AASDH: variants seen among roughly 807,000 people sequenced by gnomAD.
AASDH encodes the protein beta-alanine-activating enzyme.
Under a neutral mutation model 102.3 loss-of-function variants are expected in AASDH, and 81 were observed. The ratio of observed to expected loss-of-function variants is 0.79; its 90% CI spans 0.66 to 0.95. The LOEUF is 0.95. Ranked by LOEUF, AASDH falls within the 40% of genes least tolerant of loss-of-function variation. The pLI, the probability that AASDH is intolerant of heterozygous loss-of-function variation, is 0.00. For synonymous variants in AASDH, 398 were observed against 454.0 expected, an observed-to-expected ratio of 0.88 and a Z score of 1.57; for missense variants, 1,203 against 1,266.2, an observed-to-expected ratio of 0.95 and a Z score of 0.76.
At chr4:56,368,432 C>T (rs142073946) in intron 5 of AASDH, among the ~76,000 whole-genome samples, 4,953 of 151,996 alleles carry the variant, frequency 0.033, 200 homozygotes, top group East Asian at 0.2. Context: ...ATGTTTATTG[C>T]GGCACTATTC....
intron 3 of AASDH, chr4:56,381,651 A>T (rs62309275): frequency 1.4e-3 from 41 of 30,246 alleles, no homozygotes; most frequent in East Asian, 3.4e-3. Flanking sequence ...GACACTTCTC[A>T]CACACACACA....
intron 5 of AASDH, among the ~76,000 whole-genome samples, chr4:56,359,171 G>A (rs993125454): frequency 1.3e-5 from 2 of 151,176 alleles, no homozygotes; most frequent in Middle Eastern, 3.2e-3. Context: ...AATCCATGAA[G>A]TCTGTCTCCC....
At position 56,345,776 on chromosome 4, in the gene AASDH, G is replaced by A. The variant is rs1056535789; in HGVS notation, c.2489-486C>T. Among the ~76,000 whole-genome samples, 6 of 152,286 alleles carry A rather than the reference G, an allele frequency of 3.9e-5. 1 individual carries two copies. Among genetic ancestry groups the A allele is most frequent in the Admixed American group, 3.3e-4 (5 of 15,302 alleles). On this transcript the variant is annotated intron_variant, in intron 11 of 14. Transcript: ENST00000205214. ...TAGAAGGTGTTTAAGAAGTGCTAACGTTAATAGTCAATGTTCATTGAGCAT... is the reference window on the plus strand; with the variant it reads ...TAGAAGGTGTTTAAGAAGTGCTAACATTAATAGTCAATGTTCATTGAGCAT...
chr4:56,369,454 C>T (rs1466746762), intron 5 of AASDH, among the ~76,000 whole-genome samples: 2 of 151,998 alleles, frequency 1.3e-5, no homozygotes, highest in African/African-American at 2.4e-5. Flanking sequence ...AATTTATATC[C>T]CCTCACACCC....
rs1469724420 is a variant in AASDH at position 56,353,507 on chromosome 4, A to G, written c.1473T>C (p.Ala491=). ...CTTTAAAGATGTATTCTTTTACTGA[A>G]GCATCTTTAGACACCATGAAGAGAA... ...KLILFMVSKD[A]SVKEYIFKEL... is the part of the protein sequence containing the mutation. The change falls in exon 9 of 15, where the codon GCT becomes GCC. Residue 491 remains alanine (A), a synonymous_variant. Transcript: ENST00000205214. 8 of 1,613,666 alleles carry G rather than the reference A, an allele frequency of 5.0e-6. No individual in the cohort carries two copies. Among genetic ancestry groups the G allele is most frequent in the African/African-American group, 1.3e-5 (1 of 74,916 alleles).
intron 1 of AASDH, among the ~76,000 whole-genome samples, chr4:56,385,149 G>T (rs940712812): frequency 8.5e-5 from 13 of 152,254 alleles, no homozygotes; most frequent in African/African-American, 3.1e-4. Flanking sequence ...AATTCCAGTA[G>T]GAGCTAAACT....
chr4:56,380,857 T>C (rs963781052), intron 3 of AASDH, among the ~76,000 whole-genome samples: 3 of 152,150 alleles, frequency 2.0e-5, no homozygotes, highest in Non-Finnish European at 2.9e-5. Flanking sequence ...ACTTCCATCA[T>C]TACAATAAAA....
intron 4 of AASDH, among the ~76,000 whole-genome samples, chr4:56,377,074 A>T (rs1263525111): frequency 1.8e-4 from 25 of 139,420 alleles, no homozygotes; most frequent in Admixed American, 3.0e-4. Flanking sequence ...CTCAAAAAAA[A>T]AAAAAAATAA....
In AASDH at chr4:56,379,965, C is replaced by G. The variant is rs112819130; in HGVS notation, c.352-1501G>C. The stretch of plus-strand genomic sequence containing the variant: ...CAGCACTAAGGAGTTTAGATCTTAA[C>G]CTGTAAGTGACAGGATCCAATTGAA... On this transcript the variant is annotated intron_variant, in intron 3 of 14. Coordinates refer to ENST00000205214, the MANE Select transcript of AASDH (RefSeq NM_181806.4). Among the ~76,000 whole-genome samples the G allele has an allele frequency of 2.7e-3, 405 of 152,220 alleles. 1 individual carries two copies. Among genetic ancestry groups the G allele is most frequent in the African/African-American group, 9.3e-3 (387 of 41,528 alleles).
At position 56,353,461 on chromosome 4, in the gene AASDH, T is replaced by C; in HGVS notation, c.1519A>G (p.Ser507Gly). 2 of 1,613,964 alleles carry C rather than the reference T, an allele frequency of 1.2e-6. No individual in the cohort carries two copies. The highest frequency in any genetic ancestry group is 1.7e-6 in the Non-Finnish European group (2 of 1,179,944). Residue 507 changes from serine (S) to glycine (G), a missense_variant, in exon 9 of 15, where the codon AGT (serine) becomes GGT (glycine). Physicochemically the swap from Ser to Gly is moderately conservative, Grantham distance 56. Coordinates refer to ENST00000205214, the MANE Select transcript of AASDH (RefSeq NM_181806.4). ...IFKELQKYLP[S>G]HAVPDELVLI... Reference sequence around the variant, plus strand: ...ACAAGCTCATCCGGGACTGCATGACTTGGAAGATATTTCTGCAGTTCTTTA... The same window carrying C: ...ACAAGCTCATCCGGGACTGCATGACCTGGAAGATATTTCTGCAGTTCTTTA...
Position 56,384,095 on chromosome 4 carries a change from T to C in AASDH, c.205A>G (p.Ile69Val), listed in dbSNP as rs1221881080. Reference sequence around the variant, plus strand: ...CCTAAAATCCAAGAGGGTAAGTCTATCCCAGGTTGGCAGTAGAGACCAATT... The same window carrying C: ...CCTAAAATCCAAGAGGGTAAGTCTACCCCAGGTTGGCAGTAGAGACCAATT... ...REIGLYCQPG[I>V]DLPSWILGIL... Residue 69 changes from isoleucine (I) to valine (V), a missense_variant, in exon 2 of 15, where the codon ATA becomes GTA. Ile to Val is a conservative substitution (Grantham distance 29, BLOSUM62 3). Coordinates refer to ENST00000205214, the MANE Select transcript of AASDH (RefSeq NM_181806.4). 1 of 1,614,008 alleles carries C rather than the reference T, an allele frequency of 6.2e-7. No homozygotes were observed. Among genetic ancestry groups the C allele is most frequent in the Non-Finnish European group, 8.5e-7 (1 of 1,179,892 alleles).
At position 56,382,539 on chromosome 4, in the gene AASDH, A is replaced by T; in HGVS notation, c.289T>A (p.Ser97Thr). ...TTACATTTTTTCATAAAATGAGTTG[A>T]TAATGACGGTGGTGAATCTGGCTCG... Reference protein sequence around the residue: ...PIEPDSPPSLSTHFMKKCNLK... With the variant: ...PIEPDSPPSLTTHFMKKCNLK... Residue 97 changes from serine (S) to threonine (T), a missense_variant, in exon 3 of 15, where the codon TCA becomes ACA. Transcript: ENST00000205214. 2 of 1,609,148 alleles carry T rather than the reference A, an allele frequency of 1.2e-6. No homozygotes were observed. The highest frequency in any genetic ancestry group is 1.7e-6 in the Non-Finnish European group (2 of 1,176,092).
At chr4:56,362,962 T>A (rs1750494440) in intron 5 of AASDH, among the ~76,000 whole-genome samples, 1 of 152,160 alleles carries the variant, frequency 6.6e-6, no homozygotes, top group African/African-American at 2.4e-5. Flanking sequence ...GTCAGGGAAT[T>A]CCCTTTCCTA....
rs779749662 is a variant in AASDH at position 56,338,561 on chromosome 4, T to C, written c.3138A>G (p.Lys1046=). ...MLLAAASTDG[K]VWILESQSGQ... The stretch of plus-strand genomic sequence containing the variant: ...CACTCTGAGATTCCAAGATCCACAC[T>C]TTCCCATCAGTAGATGCTGCTGCCA... Residue 1046 remains lysine (K), a synonymous_variant, in exon 15 of 15, where the codon AAA becomes AAG. Coordinates refer to ENST00000205214, the MANE Select transcript of AASDH (RefSeq NM_181806.4). The C allele has an allele frequency of 6.2e-7, 1 of 1,613,956 alleles. No individual in the cohort carries two copies. The highest frequency in any genetic ancestry group is 1.3e-5 in the African/African-American group (1 of 74,932).
rs1477403115 is a variant in AASDH at position 56,374,890 on chromosome 4, T to G, written c.669-3247A>C. 2.0e-5 allele frequency among the ~76,000 whole-genome samples: 3 copies of G among 152,168 alleles called. No individual in the cohort carries two copies. The East Asian group carries it at 5.8e-4, about 29-fold the overall frequency. ...ATGCAAAGTCAAACAAATCAACTAA[T>G]TTTTAACTGTTTAAAAAATTGTTAT... On this transcript the variant is annotated intron_variant, in intron 4 of 14. Transcript: ENST00000205214.
At chr4:56,357,434 C>T (rs1015656849) in intron 5 of AASDH, among the ~76,000 whole-genome samples, 1 of 152,068 alleles carries the variant, frequency 6.6e-6, no homozygotes, top group Non-Finnish European at 1.5e-5. Context: ...TTAATACCAA[C>T]AGATTGGGGA....
At chr4:56,347,502 G>T (rs1748460279) in intron 11 of AASDH, among the ~76,000 whole-genome samples, 1 of 152,138 alleles carries the variant, frequency 6.6e-6, no homozygotes, top group African/African-American at 2.4e-5. Context: ...GTCAGGGGGA[G>T]ATATTATACC....
At chr4:56,343,071 AG>A (rs1747893496) in intron 13 of AASDH, 105 bp from the exon 14 acceptor site, 16 of 1,168,436 alleles carry the variant, frequency 1.4e-5, no homozygotes, top group Non-Finnish European at 1.8e-5. Context: ...CTAAAATAGC[AG>A]AAAATGCTGT....
At chr4:56,370,587 T>C (rs1366395214) in intron 5 of AASDH, among the ~76,000 whole-genome samples, 1 of 152,166 alleles carries the variant, frequency 6.6e-6, no homozygotes, top group Non-Finnish European at 1.5e-5. Flanking sequence ...CGCAGTCTAA[T>C]GAATCAGCGA....
Sources: allele counts gnomAD v4.1 joint callset (sites outside exome capture counted in the v4.1 genomes callset), GRCh38; gene constraint gnomAD v4.1.1; transcripts MANE v1.5; gene names NCBI Gene and HGNC (gene_info 2026-07-23, HGNC 2026-07-21).